Variants in CFAP299 observed in about 807,000 individuals in gnomAD.
The protein encoded by CFAP299 is cilia- and flagella-associated protein 299.
In CFAP299, 21 loss-of-function variants were observed where a neutral mutation model predicts 27.0. That is an observed-to-expected ratio of 0.78 (90% CI 0.55 to 1.12). The LOEUF (loss-of-function observed/expected upper bound fraction) is 1.12, where lower values mean the gene tolerates loss of function less well. CFAP299 is among the 50% of genes most tolerant of loss of function. CFAP299 has a pLI of 0.00. For synonymous variants in CFAP299, 104 were observed against 98.1 expected, an observed-to-expected ratio of 1.06 and a Z score of -0.36; for missense variants, 310 against 276.6, an observed-to-expected ratio of 1.12 and a Z score of -0.86.
In CFAP299 at chr4:80,878,958, T is replaced by C. The variant is rs932988071; in HGVS notation, c.476+8823T>C. Among the ~76,000 whole-genome samples, 11 of 152,252 alleles carry C rather than the reference T, an allele frequency of 7.2e-5. 1 individual carries two copies. The highest frequency in any genetic ancestry group is 3.4e-3 in the Middle Eastern group (1 of 294). ...ATGGAAAACTTAATTTTATTTTATG[T>C]GGCAAAAATAAACTTGAGGACATTA... On this transcript the variant is annotated intron_variant, in intron 4 of 5. Coordinates refer to ENST00000358105, the MANE Select transcript of CFAP299 (RefSeq NM_152770.3).
intron 4 of CFAP299, among the ~76,000 whole-genome samples, chr4:80,938,023 C>G (rs1303725605): frequency 1.3e-5 from 2 of 152,018 alleles, no homozygotes; most frequent in Admixed American, 1.3e-4. Flanking sequence ...TTTACTTCTC[C>G]CTCTATTTTA....
chr4:80,777,333 A>G (rs1052267561), intron 3 of CFAP299, among the ~76,000 whole-genome samples: 2 of 151,786 alleles, frequency 1.3e-5, no homozygotes, highest in Non-Finnish European at 2.9e-5. Context: ...TGCATCCCAC[A>G]CCTCCTGAAT....
intron 3 of CFAP299, among the ~76,000 whole-genome samples, chr4:80,699,974 A>G (rs1398475406): frequency 6.6e-6 from 1 of 152,172 alleles, no homozygotes; most frequent in African/African-American, 2.4e-5. Flanking sequence ...AATAACTAGA[A>G]GCAAAGAGTA....
At chr4:80,486,765 T>C (rs1032602864) in intron 2 of CFAP299, among the ~76,000 whole-genome samples, 3 of 152,322 alleles carry the variant, frequency 2.0e-5, no homozygotes, top group Middle Eastern at 3.4e-3. Flanking sequence ...GCTCTAAAAG[T>C]TTTTTGAGTC....
At chr4:80,609,088 G>A (rs72863166) in intron 3 of CFAP299, among the ~76,000 whole-genome samples, 12,034 of 151,944 alleles carry the variant, frequency 0.079, 727 homozygotes, top group East Asian at 0.26. Flanking sequence ...AGGAATGTAT[G>A]GATGAATTTT....
intron 4 of CFAP299, among the ~76,000 whole-genome samples, chr4:80,931,260 CA>C (rs1736602937): frequency 6.6e-6 from 1 of 152,030 alleles, no homozygotes; most frequent in Non-Finnish European, 1.5e-5. Flanking sequence ...CTCTAAGCAA[CA>C]ATTTTCCTGT....
intron 2 of CFAP299, among the ~76,000 whole-genome samples, chr4:80,473,741 TTTTG>T (rs1230614817): frequency 3.9e-5 from 6 of 152,014 alleles, no homozygotes; most frequent in African/African-American, 1.4e-4. Context: ...TGGCTAATTG[TTTTG>T]TTTGTTTGTT....
At chr4:80,757,103 G>C (rs1477677931) in intron 3 of CFAP299, among the ~76,000 whole-genome samples, 1 of 151,980 alleles carries the variant, frequency 6.6e-6, no homozygotes, top group East Asian at 1.9e-4. Context: ...GATCACTCAA[G>C]CTTCATATTA....
intron 2 of CFAP299, among the ~76,000 whole-genome samples, chr4:80,496,896 G>C (rs72874049): frequency 0.081 from 12,354 of 152,114 alleles, 575 homozygotes; most frequent in Non-Finnish European, 0.094. Context: ...GTGAATGTAC[G>C]TGCAAGAGAG....
At chr4:80,948,743 C>A (rs747642238) in intron 5 of CFAP299, among the ~76,000 whole-genome samples, 2 of 151,954 alleles carry the variant, frequency 1.3e-5, no homozygotes, top group Non-Finnish European at 2.9e-5. Flanking sequence ...GAGAGGCCAT[C>A]ACCTGGAAAA....
chr4:80,660,852 A>T (rs1014938104), intron 3 of CFAP299, among the ~76,000 whole-genome samples: 1 of 152,200 alleles, frequency 6.6e-6, no homozygotes, highest in African/African-American at 2.4e-5. Flanking sequence ...TTCCTTCAGC[A>T]GTACCCAGGG....
At chr4:80,705,838 A>T (rs148058076) in intron 3 of CFAP299, among the ~76,000 whole-genome samples, 2 of 151,926 alleles carry the variant, frequency 1.3e-5, no homozygotes, top group East Asian at 3.9e-4. Flanking sequence ...ATGATGATAA[A>T]GTGGTGACAT....
At chr4:80,419,468 T>G (rs1727181402) in intron 2 of CFAP299, among the ~76,000 whole-genome samples, 2 of 152,208 alleles carry the variant, frequency 1.3e-5, no homozygotes, top group South Asian at 2.1e-4. Context: ...AGTGAAACTC[T>G]GCCATTTTGC....
At chr4:80,838,338 A>G (rs1437113361) in intron 3 of CFAP299, among the ~76,000 whole-genome samples, 1 of 152,144 alleles carries the variant, frequency 6.6e-6, no homozygotes, top group Non-Finnish European at 1.5e-5. Context: ...ATCTTTGCCC[A>G]TGCTTATGTC....
chr4:80,749,434 T>C (rs1009520231), intron 3 of CFAP299, among the ~76,000 whole-genome samples: 3 of 152,188 alleles, frequency 2.0e-5, no homozygotes, highest in Non-Finnish European at 4.4e-5. Context: ...ACAGAATATA[T>C]GTACATATGA....
intron 3 of CFAP299, among the ~76,000 whole-genome samples, chr4:80,742,153 G>A (rs1237963357): frequency 6.6e-6 from 1 of 152,072 alleles, no homozygotes. Flanking sequence ...GTTAAAATCA[G>A]GTACTGTTAT....
At chr4:80,778,451 G>C (rs1468299878) in intron 3 of CFAP299, among the ~76,000 whole-genome samples, 1 of 152,100 alleles carries the variant, frequency 6.6e-6, no homozygotes, top group Admixed American at 6.6e-5. Flanking sequence ...TTAGGTTTTT[G>C]TGATAGCCTT....
intron 5 of CFAP299, among the ~76,000 whole-genome samples, chr4:80,951,853 G>A (rs1226170617): frequency 3.3e-5 from 5 of 152,242 alleles, no homozygotes; most frequent in East Asian, 1.9e-4. Context: ...GAAATTACAC[G>A]TTCCCAGGAC....
At chr4:80,841,720 GC>G (rs1245237224) in intron 3 of CFAP299, among the ~76,000 whole-genome samples, 3 of 151,940 alleles carry the variant, frequency 2.0e-5, no homozygotes, top group Non-Finnish European at 1.5e-5. Flanking sequence ...TTCAAATGAA[GC>G]TTTTGTCCCA....
Sources: allele counts gnomAD v4.1 joint callset (sites outside exome capture counted in the v4.1 genomes callset), GRCh38; gene constraint gnomAD v4.1.1; transcripts MANE v1.5; gene names NCBI Gene and HGNC (gene_info 2026-07-23, HGNC 2026-07-21).